The following DAZAP1 variants were observed in gnomAD, a reference collection of about 807,000 sequenced individuals.
DAZAP1 encodes the protein DAZ associated protein 1, also known as DAZ-associated protein 1.
A neutral mutation model predicts 60.1 loss-of-function variants in DAZAP1; 6 were observed. That is an observed-to-expected ratio of 0.10 (90% CI 0.05 to 0.20). DAZAP1 has a LOEUF of 0.20. DAZAP1 is among the 10% of genes least tolerant of loss of function. The pLI is 1.00. For missense variants in DAZAP1, 366 were observed against 560.4 expected, an observed-to-expected ratio of 0.65 and a Z score of 3.50; for synonymous variants, 235 against 215.9, an observed-to-expected ratio of 1.09 and a Z score of -0.78.
chr19:1,430,161 CTG>C (rs763997714), intron 9 of DAZAP1, 59 bp from the exon 10 acceptor site: 347 of 1,553,724 alleles, frequency 2.2e-4, no homozygotes, highest in Non-Finnish European at 2.8e-4. Context: ...CTGGGTCTAA[CTG>C]TGGCCAGTCT....
intron 10 of DAZAP1, 89 bp downstream of exon 10, chr19:1,430,451 C>T (rs371287819): frequency 1.8e-5 from 23 of 1,252,342 alleles, no homozygotes; most frequent in African/African-American, 9.3e-5. Context: ...TTGTGTTACA[C>T]GTCTGGCCTC....
At chr19:1,417,394 G>A (rs554235756) in intron 1 of DAZAP1, 106 bp from the exon 2 acceptor site, 18 of 1,300,722 alleles carry the variant, frequency 1.4e-5, no homozygotes, top group Admixed American at 6.2e-5. Flanking sequence ...GGACGTTTGC[G>A]TCAGCTGCTT....
intron 1 of DAZAP1, among the ~76,000 whole-genome samples, chr19:1,414,370 G>A (rs958256322): frequency 6.6e-6 from 1 of 152,174 alleles, no homozygotes; most frequent in African/African-American, 2.4e-5. Context: ...GACCGATGCA[G>A]TCCCCTTTAT....
rs766812291 is a variant in DAZAP1, at chr19:1,434,819, C to T, written c.1131C>T (p.Ser377=). Residue 377 remains serine, a synonymous_variant, in exon 12 of 12, where the codon TCC becomes TCT. Transcript: ENST00000233078. This position sits in a 1 kb window ranked among gnomAD's most constrained non-coding sequence, Gnocchi z 8.0. ...SQQPPSYGGP[S]VPGSGGPPAG... is the part of the protein sequence containing the mutation. The stretch of plus-strand genomic sequence containing the variant: ...AGCCTCCTTCCTACGGGGGTCCCTC[C>T]GTGCCAGGGTCGGGGGGCCCCCCCG... 2.3e-5 allele frequency: 37 copies of T among 1,609,132 alleles called. No homozygotes were observed. Among genetic ancestry groups the T allele is most frequent in the African/African-American group, 8.0e-5 (6 of 74,704 alleles).
Position 1,428,198 on chromosome 19 carries a change from G to T in DAZAP1, c.547-644G>T, listed in dbSNP as rs1245504876. On this transcript the variant is annotated intron_variant, in intron 7 of 11. Coordinates refer to ENST00000233078, the MANE Select transcript of DAZAP1 (RefSeq NM_018959.4). This position sits in a 1 kb window ranked among gnomAD's most constrained non-coding sequence, Gnocchi z 4.0. The stretch of plus-strand genomic sequence containing the variant: ...ATGAAGATTGCTTACTGATCCAAAT[G>T]TCCATTTTATTGCATGTTTGTTACT... 6.6e-6 allele frequency: 1 copy of T among 152,348 alleles called. No homozygotes were observed. Among genetic ancestry groups the T allele is most frequent in the East Asian group, 1.9e-4 (1 of 5,200 alleles). The allele number at this position is 152,348 out of a possible 1,614,324, so 9.4% of individuals were successfully genotyped here. A position where few individuals can be genotyped will look rare whatever the true frequency, so the allele number is the denominator to read the frequency against.
At chr19:1,421,357 G>A (rs867798238) in intron 5 of DAZAP1, 99 bp downstream of exon 5, 29 of 1,000,624 alleles carry the variant, frequency 2.9e-5, no homozygotes, top group Non-Finnish European at 3.7e-5. Context: ...ACAGGTGCAC[G>A]GGCCTTTCAG....
chr19:1,426,071 C>A lies in DAZAP1; in HGVS notation c.546+111C>A. 2.4e-6 allele frequency: 2 copies of A among 831,332 alleles called. No individual in the cohort carries two copies. Among genetic ancestry groups the A allele is most frequent in the Non-Finnish European group, 2.1e-6 (1 of 478,416 alleles). 51.5% of individuals were successfully genotyped at this position (831,332 alleles called of 1,614,324 possible). A position where few individuals can be genotyped will look rare whatever the true frequency, so the allele number is the denominator to read the frequency against. ...ACGGAAAGGGTCGGGCGAGTTCGTCCTGTGAACCTTTGCTGCGTGAGGTGG... is the reference window on the plus strand; with the variant it reads ...ACGGAAAGGGTCGGGCGAGTTCGTCATGTGAACCTTTGCTGCGTGAGGTGG... On this transcript the variant is annotated intron_variant, in intron 7 of 11. Transcript: ENST00000233078. The surrounding 1 kb of genome is among the most constrained non-coding windows in gnomAD (Gnocchi z 5.4).
chr19:1,422,289 G>A lies in DAZAP1; in HGVS notation c.415-59G>A, dbSNP rs1413047350. 13 of 1,535,406 alleles carry A rather than the reference G, an allele frequency of 8.5e-6. No individual in the cohort carries two copies. Among genetic ancestry groups the A allele is most frequent in the East Asian group, 6.8e-5 (3 of 44,416 alleles). ...GTTCGTGGGAACAGGCTGTGCCCTC[G>A]GAAGACCACCTGTGGTGCTGGCCCT... On this transcript the variant is annotated intron_variant, in intron 5 of 11. Coordinates refer to ENST00000233078, the MANE Select transcript of DAZAP1 (RefSeq NM_018959.4). The surrounding 1 kb of genome is among the most constrained non-coding windows in gnomAD (Gnocchi z 4.5).
rs901655130 is a variant in DAZAP1, at chr19:1,432,438, C to T, written c.872-76C>T. The T allele has an allele frequency of 1.3e-6, 2 of 1,509,622 alleles. No individual in the cohort carries two copies. The highest frequency in any genetic ancestry group is 2.7e-5 in the African/African-American group (2 of 72,830). 93.5% of individuals were successfully genotyped at this position (1,509,622 alleles called of 1,614,324 possible). On this transcript the variant is annotated intron_variant, in intron 10 of 11. Transcript: ENST00000233078. This position sits in a 1 kb window ranked among gnomAD's most constrained non-coding sequence, Gnocchi z 4.9. Reference sequence around the variant, plus strand: ...TCCCGTCTGGGCAGCTCCTGCTGGGCTGGGTGTGGGTCTCCTGCTGGTCTG... The same window carrying T: ...TCCCGTCTGGGCAGCTCCTGCTGGGTTGGGTGTGGGTCTCCTGCTGGTCTG...
Position 1,423,894 on chromosome 19 carries a change from A to G in DAZAP1, c.463+1498A>G, listed in dbSNP as rs145343503. 3.0e-3 allele frequency among the ~76,000 whole-genome samples: 455 copies of G among 152,318 alleles called. 1 individual carries two copies. The highest frequency in any genetic ancestry group is 9.4e-3 in the African/African-American group (390 of 41,578). On this transcript the variant is annotated intron_variant, in intron 6 of 11. Coordinates refer to ENST00000233078, the MANE Select transcript of DAZAP1 (RefSeq NM_018959.4). The surrounding 1 kb of genome is among the most constrained non-coding windows in gnomAD (Gnocchi z 6.8). ...TGTCGCTGAGTCCACACTGGTGTAC[A>G]GAGCACTTCGGGGCCAGCACGTGGC...
intron 1 of DAZAP1, among the ~76,000 whole-genome samples, chr19:1,412,695 G>A (rs770654991): frequency 7.9e-5 from 12 of 152,240 alleles, no homozygotes; most frequent in Non-Finnish European, 1.5e-4. Flanking sequence ...ATACCGCACA[G>A]GCACCCGAAT....
chr19:1,410,748 G>A (rs920688724), intron 1 of DAZAP1, among the ~76,000 whole-genome samples: 6 of 152,212 alleles, frequency 3.9e-5, no homozygotes, highest in African/African-American at 1.4e-4. Context: ...AGGCCATTGT[G>A]TTCTGCTGGC....
Position 1,430,254 on chromosome 19 carries a change from G to GCCCCCCCCC in DAZAP1, c.770_771insCCCCCCCCC (p.Pro259_Pro261dup). ...TGGACCGCCCCCTGCAGGAAGAGGA[G>GCCCCCCCCC]CCCCCCCGCCACCCCCACCGTTCAC... On this transcript the variant is annotated inframe_insertion, in exon 10 of 12. Coordinates refer to ENST00000233078, the MANE Select transcript of DAZAP1 (RefSeq NM_018959.4). 2 of 1,295,268 alleles carry GCCCCCCCCC rather than the reference G, an allele frequency of 1.5e-6. No individual in the cohort carries two copies. Among genetic ancestry groups the GCCCCCCCCC allele is most frequent in the Non-Finnish European group, 1.1e-6 (1 of 924,076 alleles). The allele number at this position is 1,295,268 out of a possible 1,614,324, so 80.2% of individuals were successfully genotyped here. A position where few individuals can be genotyped will look rare whatever the true frequency, so the allele number is the denominator to read the frequency against.
Position 1,418,377 on chromosome 19 carries a change from G to C in DAZAP1, c.237+7G>C. ...CACGCTAGATGGCCGAAACGTAAGT[G>C]CCCTTCCGGGAGCTCACACCCGCTC... On this transcript the variant is annotated splice_region_variant and intron_variant, in intron 3 of 11. Transcript: ENST00000233078. The surrounding 1 kb of genome is among the most constrained non-coding windows in gnomAD (Gnocchi z 5.7). 1 of 1,610,504 alleles carries C rather than the reference G, an allele frequency of 6.2e-7. No individual in the cohort carries two copies.
At chr19:1,417,462 G>A (rs1199222375) in intron 1 of DAZAP1, 38 bp from the exon 2 acceptor site, 6 of 1,583,426 alleles carry the variant, frequency 3.8e-6, no homozygotes, top group Middle Eastern at 1.7e-4. Flanking sequence ...TAAGGCGAGC[G>A]CTGTCTTGAT....
intron 1 of DAZAP1, among the ~76,000 whole-genome samples, chr19:1,408,831 C>T (rs113299320): frequency 0.02 from 3,013 of 152,344 alleles, 42 homozygotes; most frequent in South Asian, 0.039. Context: ...GCGGCTCCTG[C>T]CGCAGCGACG....
chr19:1,424,254 C>T (rs1336199541), intron 6 of DAZAP1, among the ~76,000 whole-genome samples: 1 of 151,880 alleles, frequency 6.6e-6, no homozygotes, highest in Non-Finnish European at 1.5e-5. Context: ...TCAGTCCCCT[C>T]AGGTCTTCTC....
intron 1 of DAZAP1, among the ~76,000 whole-genome samples, chr19:1,408,444 G>A (rs1436176098): frequency 6.6e-6 from 1 of 152,238 alleles, no homozygotes. Context: ...CAAACTTGGC[G>A]GGCGGCGCAC....
chr19:1,418,714 CG>C lies in DAZAP1; in HGVS notation c.288del (p.Pro97ArgfsTer46), dbSNP rs761300828. 1 of 1,611,866 alleles carries C rather than the reference CG, an allele frequency of 6.2e-7. No individual in the cohort carries two copies. The highest frequency in any genetic ancestry group is 8.5e-7 in the Non-Finnish European group (1 of 1,178,834). ...TPRGMQPERT[R>X]PKEGWQKGPR... Reference sequence around the variant, plus strand: ...CCGGGGGATGCAGCCGGAGAGAACACGGCCGAAGGAAGGATGGGTAAGGGGC... The same window carrying C: ...CCGGGGGATGCAGCCGGAGAGAACACGCCGAAGGAAGGATGGGTAAGGGGC... On this transcript the variant is annotated frameshift_variant, in exon 4 of 12. Transcript: ENST00000233078. LOFTEE classifies it high-confidence loss of function. This position sits in a 1 kb window ranked among gnomAD's most constrained non-coding sequence, Gnocchi z 5.7.
Sources: allele counts gnomAD v4.1 joint callset (sites outside exome capture counted in the v4.1 genomes callset), GRCh38; gene constraint gnomAD v4.1.1; non-coding constraint Gnocchi (gnomAD v3.1); transcripts MANE v1.5; gene names NCBI Gene and HGNC (gene_info 2026-07-23, HGNC 2026-07-21).